LRRC41: variants seen among roughly 807,000 people sequenced by gnomAD.
The protein encoded by LRRC41 is leucine rich repeat containing 41, also known as leucine-rich repeat-containing protein 41.
LRRC41 carries 17 observed loss-of-function variants against 72.1 expected under a neutral mutation model. The observed-to-expected ratio is 0.24, with a 90% CI of 0.16 to 0.35. LRRC41 has a LOEUF of 0.35. Among genes scored for constraint, LRRC41 ranks in the 10% least tolerant of loss-of-function variants. The probability of loss-of-function intolerance (pLI) is 1.00; values close to 1 mark genes in which losing one functional copy is unlikely to be tolerated. For missense variants in LRRC41, 759 were observed against 1,065.0 expected (o/e 0.71, Z 4.00); for synonymous variants, 427 against 431.0 (o/e 0.99, Z 0.11).
intron 3 of LRRC41, among the ~76,000 whole-genome samples, chr1:46,291,552 G>GTTTTTTTTTTTTTTTTTTTTTTT (rs1219656700): frequency 1.2e-5 from 1 of 84,948 alleles, no homozygotes; most frequent in Non-Finnish European, 2.2e-5. Flanking sequence ...GCCCCAGCTG[G>GTTTTTTTTTTTTTTTTTTTTTTT]TTTTTTTTTT....
Position 46,277,782 on chromosome 1 carries a change from G to T in LRRC41, c.*1083C>A, listed in dbSNP as rs748932624. The T allele has an allele frequency of 1.3e-6, 2 of 1,570,252 alleles. No homozygotes were observed. Among genetic ancestry groups the T allele is most frequent in the South Asian group, 2.2e-5 (2 of 90,152 alleles). On this transcript the variant is annotated 3_prime_UTR_variant, in exon 10 of 10. Coordinates refer to ENST00000617190, the MANE Select transcript of LRRC41 (RefSeq NM_006369.5). ...CTTTTTATGAGGATGGCTAAGCGCT[G>T]TATCTTTTGACATTCCCCACCTCCT...
chr1:46,285,578 C>T lies in LRRC41; in HGVS notation c.1279G>A (p.Gly427Ser). The change falls in exon 4 of 10, where the codon GGC (glycine) becomes AGC (serine). Residue 427 changes from glycine (G) to serine (S), a missense_variant. Gly to Ser is a moderately conservative substitution (Grantham distance 56). Coordinates refer to ENST00000617190, the MANE Select transcript of LRRC41 (RefSeq NM_006369.5). This position sits in a 1 kb window ranked among gnomAD's most constrained non-coding sequence, Gnocchi z 5.3. ...VFIVAGEKEDGEEMEIGEVAC... is the reference protein window; with the variant it reads ...VFIVAGEKEDSEEMEIGEVAC... Reference sequence around the variant, plus strand: ...ACTTCCCCAATCTCCATCTCTTCGCCATCCTCCTTCTCGCCAGCCACAATA... The same window carrying T: ...ACTTCCCCAATCTCCATCTCTTCGCTATCCTCCTTCTCGCCAGCCACAATA... 1 of 1,613,628 alleles carries T rather than the reference C, an allele frequency of 6.2e-7. No homozygotes were observed. Among genetic ancestry groups the T allele is most frequent in the Non-Finnish European group, 8.5e-7 (1 of 1,179,620 alleles).
chr1:46,289,447 GTTT>G lies in LRRC41; in HGVS notation c.358-2951_358-2949del, dbSNP rs576805568. The stretch of plus-strand genomic sequence containing the variant: ...GTACGAGCAGACAAGAGATCATGAA[GTTT>G]TATTCCATCACCACTCTTAAGAATC... On this transcript the variant is annotated intron_variant, in intron 3 of 9. Coordinates refer to ENST00000617190, the MANE Select transcript of LRRC41 (RefSeq NM_006369.5). Among the ~76,000 whole-genome samples the G allele has an allele frequency of 2.9e-3, 444 of 152,272 alleles. 2 individuals carry two copies. Among genetic ancestry groups the G allele is most frequent in the African/African-American group, 0.01 (421 of 41,554 alleles).
At position 46,285,910 on chromosome 1, in the gene LRRC41, G is replaced by T; in HGVS notation, c.947C>A (p.Ala316Asp). The T allele has an allele frequency of 6.5e-7, 1 of 1,541,972 alleles. No individual in the cohort carries two copies. The highest frequency in any genetic ancestry group is 8.7e-7 in the Non-Finnish European group (1 of 1,146,772). The change falls in exon 4 of 10, where the codon GCT becomes GAT. Residue 316 changes from alanine (A) to aspartate (D), a missense_variant. Physicochemically the swap from Ala to Asp is moderately radical, Grantham distance 126 (BLOSUM62 -2). Coordinates refer to ENST00000617190, the MANE Select transcript of LRRC41 (RefSeq NM_006369.5). This position sits in a 1 kb window ranked among gnomAD's most constrained non-coding sequence, Gnocchi z 5.3. ...RKSEAKQMPR[A>D]APATRVTRRS... The stretch of plus-strand genomic sequence containing the variant: ...GCGTGTTACCCGAGTGGCAGGTGCA[G>T]CTCTGGGCATCTGCTTGGCTTCACT...
chr1:46,280,446 G>A lies in LRRC41; in HGVS notation c.1871C>T (p.Ala624Val). The change falls in exon 6 of 10, where the codon GCC becomes GTC. Residue 624 changes from alanine to valine, a missense_variant. Physicochemically the swap from Ala to Val is moderately conservative, Grantham distance 64. Transcript: ENST00000617190. Reference sequence around the variant, plus strand: ...AAAATCCTGGGGAGAGGCAAAGGTGGCACTATCCAGGGACAGCTGCTGCAG... The same window carrying A: ...AAAATCCTGGGGAGAGGCAAAGGTGACACTATCCAGGGACAGCTGCTGCAG... ...GSLQQLSLDS[A>V]TFASPQDFGL... The A allele has an allele frequency of 6.2e-7, 1 of 1,614,216 alleles. No individual in the cohort carries two copies. Among genetic ancestry groups the A allele is most frequent in the Non-Finnish European group, 8.5e-7 (1 of 1,180,042 alleles).
In LRRC41 at chr1:46,303,267, G is replaced by T. The variant is rs1001162734; in HGVS notation, c.56C>A (p.Ala19Glu). 5 of 1,545,442 alleles carry T rather than the reference G, an allele frequency of 3.2e-6. No homozygotes were observed. Among genetic ancestry groups the T allele is most frequent in the Non-Finnish European group, 4.4e-6 (5 of 1,146,432 alleles). ...GGACGTGGCCTCCATGGTCGTTGCC[G>T]CCGCTACCTCACAGAACCAGCAACT... ...ARSCWFCEVA[A>E]ATTMEATSRE... Residue 19 changes from alanine (A) to glutamate (E), a missense_variant, in exon 1 of 10, where the codon GCG becomes GAG. Ala to Glu is a moderately radical substitution (Grantham distance 107). Transcript: ENST00000617190.
In LRRC41 at chr1:46,286,081, C is replaced by T. The variant is rs1454019825; in HGVS notation, c.776G>A (p.Gly259Asp). Residue 259 changes from glycine to aspartate, a missense_variant, in exon 4 of 10, where the codon GGT becomes GAT. Transcript: ENST00000617190. The surrounding 1 kb of genome is among the most constrained non-coding windows in gnomAD (Gnocchi z 5.5). ...TCCACAGAGGCGGCAGGGTGGGCCA[C>T]CAGGCCCTGGTTGCCAGAAGCCAGC... is the stretch of plus-strand genomic sequence containing the variant. ...MSAGFWQPGP[G>D]GPPCRLCGEA... The T allele has an allele frequency of 6.2e-7, 1 of 1,610,890 alleles. No homozygotes were observed.
chr1:46,293,701 C>T (rs924222047), intron 3 of LRRC41, among the ~76,000 whole-genome samples: 2 of 151,976 alleles, frequency 1.3e-5, no homozygotes. Flanking sequence ...TCCCAAGGAG[C>T]TTGGATTACA....
rs762854720 is a variant in LRRC41, at chr1:46,278,227, C to CCAT, written c.*635_*637dup. 715 of 1,613,826 alleles carry CCAT rather than the reference C, an allele frequency of 4.4e-4. 1 individual carries two copies. The highest frequency in any genetic ancestry group is 5.7e-4 in the Non-Finnish European group (669 of 1,179,982). ...GCTGCCTGGGATGCTGCCTCCACTGCCATCACCTTCGTCTTCCACCAGCGT... is the reference window on the plus strand; with the variant it reads ...GCTGCCTGGGATGCTGCCTCCACTGCCATCATCACCTTCGTCTTCCACCAGCGT... On this transcript the variant is annotated 3_prime_UTR_variant, in exon 10 of 10. Coordinates refer to ENST00000617190, the MANE Select transcript of LRRC41 (RefSeq NM_006369.5).
At chr1:46,294,258 A>C (rs764175564) in intron 3 of LRRC41, among the ~76,000 whole-genome samples, 12 of 151,660 alleles carry the variant, frequency 7.9e-5, no homozygotes, top group Non-Finnish European at 1.2e-4. Context: ...CAGGTGCACA[A>C]CACCACAACA....
chr1:46,298,740 G>A (rs942649550), intron 1 of LRRC41: 5 of 163,174 alleles, frequency 3.1e-5, no homozygotes, highest in Non-Finnish European at 6.6e-5. Context: ...AATCTGCCCT[G>A]CTAGTATCAG....
chr1:46,282,023 G>C (rs1660787941), intron 4 of LRRC41, among the ~76,000 whole-genome samples: 1 of 151,578 alleles, frequency 6.6e-6, no homozygotes, highest in South Asian at 2.1e-4. Context: ...AGGTTGCAGT[G>C]AGCTGAGATC....
rs988462510 is a variant in LRRC41, at chr1:46,302,047, G to A, written c.199+1077C>T. The A allele has an allele frequency of 7.0e-5, 69 of 985,058 alleles. No homozygotes were observed. Among genetic ancestry groups the A allele is most frequent in the Non-Finnish European group, 8.0e-5 (66 of 829,822 alleles). 61.0% of individuals were successfully genotyped at this position (985,058 alleles called of 1,614,324 possible). On this transcript the variant is annotated intron_variant, in intron 1 of 9. Transcript: ENST00000617190. This position sits in a 1 kb window ranked among gnomAD's most constrained non-coding sequence, Gnocchi z 4.7. The stretch of plus-strand genomic sequence containing the variant: ...CTCGTCAGCGGCCAGGCCGCGGCCA[G>A]CGGTCCCCAACCCACAGCCCCGCCT...
intron 4 of LRRC41, among the ~76,000 whole-genome samples, chr1:46,283,483 G>C (rs144620631): frequency 9.2e-5 from 14 of 152,246 alleles, no homozygotes; most frequent in Middle Eastern, 6.8e-3. Context: ...ATTCAAGTTG[G>C]ATGTAATGAG....
Position 46,302,225 on chromosome 1 carries a change from GC to G in LRRC41, c.199+898del. On this transcript the variant is annotated intron_variant, in intron 1 of 9. Coordinates refer to ENST00000617190, the MANE Select transcript of LRRC41 (RefSeq NM_006369.5). The surrounding 1 kb of genome is among the most constrained non-coding windows in gnomAD (Gnocchi z 4.7). ...GCCCAAGGCCTCTTGGCGGCGCCGC[GC>G]CCCCTGCCACGGCAGCCCGGCAGTC... 1 of 985,314 alleles carries G rather than the reference GC, an allele frequency of 1.0e-6. No homozygotes were observed. The highest frequency in any genetic ancestry group is 1.2e-6 in the Non-Finnish European group (1 of 829,880). 61.0% of individuals were successfully genotyped at this position (985,314 alleles called of 1,614,324 possible). A position where few individuals can be genotyped will look rare whatever the true frequency, so the allele number is the denominator to read the frequency against.
At chr1:46,289,006 C>T (rs72901075) in intron 3 of LRRC41, among the ~76,000 whole-genome samples, 1 of 152,222 alleles carries the variant, frequency 6.6e-6, no homozygotes, top group African/African-American at 2.4e-5. Flanking sequence ...ATGGTTATTA[C>T]AATATCTGTG....
At chr1:46,284,973 G>A (rs1196976901) in intron 4 of LRRC41, 1 of 199,544 alleles carries the variant, frequency 5.0e-6, no homozygotes, top group Non-Finnish European at 1.0e-5. Context: ...AAGAAATTGT[G>A]TCCCACACCT....
Position 46,277,666 on chromosome 1 carries a change from C to A in LRRC41, c.*1199G>T. Reference sequence around the variant, plus strand: ...GACAGACTGGGAAAATGGACCTCAGCTGAGTAGAGATAATGTTCTGGGACT... The same window carrying A: ...GACAGACTGGGAAAATGGACCTCAGATGAGTAGAGATAATGTTCTGGGACT... On this transcript the variant is annotated 3_prime_UTR_variant, in exon 10 of 10. Coordinates refer to ENST00000617190, the MANE Select transcript of LRRC41 (RefSeq NM_006369.5). 1 of 881,538 alleles carries A rather than the reference C, an allele frequency of 1.1e-6. No individual in the cohort carries two copies. Among genetic ancestry groups the A allele is most frequent in the Non-Finnish European group, 1.8e-6 (1 of 558,444 alleles). The allele number at this position is 881,538 out of a possible 1,614,324, so 54.6% of individuals were successfully genotyped here.
intron 4 of LRRC41, chr1:46,284,054 T>C (rs1660835866): frequency 6.6e-6 from 1 of 152,156 alleles, no homozygotes; most frequent in Admixed American, 6.5e-5. Flanking sequence ...ACATTGGATC[T>C]AGTAACAAGG....
Sources: gnomAD v4.1 joint callset for allele counts (sites outside exome capture counted in the v4.1 genomes callset) on GRCh38, gnomAD v4.1.1 for gene constraint, Gnocchi (gnomAD v3.1) non-coding constraint, MANE v1.5 for transcripts, NCBI Gene and HGNC (gene_info 2026-07-23, HGNC 2026-07-21) for gene names.